The following AVPI1 variants were observed in gnomAD, a reference collection of about 807,000 sequenced individuals.
AVPI1 encodes arginine vasopressin-induced protein 1.
AVPI1 carries 9 observed loss-of-function variants against 11.9 expected under a neutral mutation model. That is an observed-to-expected ratio of 0.76 (90% confidence interval 0.46 to 1.32). The LOEUF is 1.32. AVPI1 is among the 40% of genes most tolerant of loss of function. The pLI is 0.00. For missense variants in AVPI1, 207 were observed against 195.8 expected (o/e 1.06, Z -0.34); for synonymous variants, 68 against 78.1 (o/e 0.87, Z 0.68).
In AVPI1 at chr10:97,679,883, A is replaced by G; in HGVS notation, c.23T>C (p.Val8Ala). 7 of 1,587,454 alleles carry G rather than the reference A, an allele frequency of 4.4e-6. No individual in the cohort carries two copies. Among genetic ancestry groups the G allele is most frequent in the Non-Finnish European group, 6.0e-6 (7 of 1,171,096 alleles). Reference sequence around the variant, plus strand: ...GGCCTGCCAAGGGGGTGGCTCACTGACCACCGAGGCTGGGGTACCCATTGT... The same window carrying G: ...GGCCTGCCAAGGGGGTGGCTCACTGGCCACCGAGGCTGGGGTACCCATTGT... Reference protein sequence around the residue: MGTPASVVSEPPPWQAPI... With the variant: MGTPASVASEPPPWQAPI... Residue 8 changes from valine (V) to alanine (A), a missense_variant, in exon 2 of 3, where the codon GTC (valine) becomes GCC (alanine). By Grantham distance (64) the Val-to-Ala change is moderately conservative (BLOSUM62 0). Transcript: ENST00000370626.
At position 97,687,234 on chromosome 10, in the gene AVPI1, C is replaced by A. The variant is rs990387723; in HGVS notation, c.-479G>T. 1 of 152,424 alleles carries A rather than the reference C, an allele frequency of 6.6e-6. No homozygotes were observed. Among genetic ancestry groups the A allele is most frequent in the Admixed American group, 6.5e-5 (1 of 15,292 alleles). 9.4% of individuals were successfully genotyped at this position (152,424 alleles called of 1,614,324 possible). The stretch of plus-strand genomic sequence containing the variant: ...CGGAACAGCCAATCCTCGGCCCTAG[C>A]CAGGTATGAGCTCCCAGGCGAGCCT... On this transcript the variant is annotated 5_prime_UTR_variant, in exon 1 of 3. Coordinates refer to ENST00000370626, the MANE Select transcript of AVPI1 (RefSeq NM_021732.3).
chr10:97,678,874 GGGGA>G (rs1328108525), intron 2 of AVPI1, among the ~76,000 whole-genome samples: 4 of 135,254 alleles, frequency 3.0e-5, no homozygotes, highest in Admixed American at 7.7e-5. Flanking sequence ...TTTTTGGCGG[GGGGA>G]GGGTGTGTGT....
intron 2 of AVPI1, among the ~76,000 whole-genome samples, chr10:97,679,018 C>T (rs1244416763): frequency 6.8e-6 from 1 of 146,136 alleles, no homozygotes; most frequent in Non-Finnish European, 1.5e-5. Flanking sequence ...GACAGGATCT[C>T]GCCATGTTGC....
At chr10:97,685,982 C>T (rs2041726572) in intron 1 of AVPI1, among the ~76,000 whole-genome samples, 1 of 152,046 alleles carries the variant, frequency 6.6e-6, no homozygotes, top group African/African-American at 2.4e-5. Context: ...ACAAGTTGCT[C>T]GTCATCAAAA....
At chr10:97,683,992 T>C (rs1455598031) in intron 1 of AVPI1, among the ~76,000 whole-genome samples, 1 of 152,210 alleles carries the variant, frequency 6.6e-6, no homozygotes, top group African/African-American at 2.4e-5. Context: ...GAGCTACTTG[T>C]CTGCCAAAGC....
intron 1 of AVPI1, among the ~76,000 whole-genome samples, chr10:97,685,768 C>G (rs7072152): frequency 0.31 from 46,755 of 152,044 alleles, 7,589 homozygotes; most frequent in African/African-American, 0.42. Flanking sequence ...TATGCCGAGA[C>G]AACTGGATAT....
intron 1 of AVPI1, among the ~76,000 whole-genome samples, chr10:97,680,995 C>A (rs920552949): frequency 2.0e-5 from 3 of 152,182 alleles, no homozygotes; most frequent in African/African-American, 4.8e-5. Context: ...AGATAGTTCA[C>A]TTTGAATAAT....
intron 2 of AVPI1, among the ~76,000 whole-genome samples, chr10:97,678,880 G>GGTGTGTGTGTGTGTGT (rs1255604041): frequency 8.8e-6 from 1 of 113,442 alleles, no homozygotes; most frequent in African/African-American, 3.5e-5. Context: ...GCGGGGGGAG[G>GGTGTGTGTGTGTGTGT]GTGTGTGTGT....
chr10:97,683,244 A>G (rs1302524718), intron 1 of AVPI1, among the ~76,000 whole-genome samples: 2 of 151,838 alleles, frequency 1.3e-5, no homozygotes, highest in African/African-American at 4.8e-5. Context: ...TGCAACCTCT[A>G]CCTCCTGAGT....
At chr10:97,683,036 C>G (rs1297918653) in intron 1 of AVPI1, among the ~76,000 whole-genome samples, 1 of 152,202 alleles carries the variant, frequency 6.6e-6, no homozygotes, top group African/African-American at 2.4e-5. Flanking sequence ...CAAAACAATT[C>G]TAGGAGTTAG....
In AVPI1 at chr10:97,679,745, C is replaced by T. The variant is rs554930916; in HGVS notation, c.161G>A (p.Arg54Gln). Reference sequence around the variant, plus strand: ...TGCACATTCCCAGATGATCTGTGCCCGTTCCTCGGCCAGCTGGTCCCCGCT... The same window carrying T: ...TGCACATTCCCAGATGATCTGTGCCTGTTCCTCGGCCAGCTGGTCCCCGCT... The part of the protein sequence containing the change: ...QRSGDQLAEE[R>Q]AQIIWECAGD... Residue 54 changes from arginine (R) to glutamine (Q), a missense_variant, in exon 2 of 3, where the codon CGG (arginine) becomes CAG (glutamine). Physicochemically the swap from Arg to Gln is conservative, Grantham distance 43 (BLOSUM62 1). Transcript: ENST00000370626. 24 of 1,614,082 alleles carry T rather than the reference C, an allele frequency of 1.5e-5. No individual in the cohort carries two copies. Among genetic ancestry groups the T allele is most frequent in the South Asian group, 9.9e-5 (9 of 91,072 alleles).
intron 1 of AVPI1, among the ~76,000 whole-genome samples, chr10:97,683,005 C>T (rs1282430796): frequency 6.6e-6 from 1 of 152,134 alleles, no homozygotes; most frequent in Admixed American, 6.5e-5. Context: ...TCAGGCAATA[C>T]GTATGATATC....
chr10:97,681,712 CT>C (rs2041704760), intron 1 of AVPI1, among the ~76,000 whole-genome samples: 1 of 139,630 alleles, frequency 7.2e-6, no homozygotes, highest in Non-Finnish European at 1.6e-5. Flanking sequence ...CCCGTCTCTA[CT>C]AAAAAATACA....
chr10:97,678,157 T>C, intron 2 of AVPI1, 132 bp from the exon 3 acceptor site: 1 of 993,646 alleles, frequency 1.0e-6, no homozygotes, highest in Admixed American at 2.7e-5. Flanking sequence ...TGCTCTGGTC[T>C]TTCCCCCTCT....
intron 1 of AVPI1, among the ~76,000 whole-genome samples, chr10:97,685,940 G>A (rs1203071218): frequency 2.6e-5 from 4 of 151,970 alleles, no homozygotes; most frequent in Non-Finnish European, 5.9e-5. Context: ...TGCTAACTGG[G>A]TGACCTTGGA....
intron 2 of AVPI1, among the ~76,000 whole-genome samples, chr10:97,678,490 A>G (rs1263515238): frequency 6.6e-6 from 1 of 152,174 alleles, no homozygotes; most frequent in Non-Finnish European, 1.5e-5. Context: ...GTTGAGGCCA[A>G]GTGGTTCAGC....
At chr10:97,679,255 C>T (rs1564780098) in intron 2 of AVPI1, among the ~76,000 whole-genome samples, 1 of 151,520 alleles carries the variant, frequency 6.6e-6, no homozygotes, top group Non-Finnish European at 1.5e-5. Context: ...AGTGACTCTC[C>T]TGCCTCACCC....
chr10:97,685,667 C>A (rs2041725247), intron 1 of AVPI1, among the ~76,000 whole-genome samples: 1 of 152,212 alleles, frequency 6.6e-6, no homozygotes, highest in African/African-American at 2.4e-5. Flanking sequence ...TGCCACTGGA[C>A]AGCAGCCAAA....
chr10:97,679,733 A>G lies in AVPI1; in HGVS notation c.173T>C (p.Ile58Thr). The G allele has an allele frequency of 1.2e-6, 2 of 1,614,110 alleles. No homozygotes were observed. Among genetic ancestry groups the G allele is most frequent in the Non-Finnish European group, 1.7e-6 (2 of 1,180,016 alleles). The part of the protein sequence containing the change: ...DQLAEERAQI[I>T]WECAGDHRVA... ...ACGGTGGTCCCCTGCACATTCCCAGATGATCTGTGCCCGTTCCTCGGCCAG... is the reference window on the plus strand; with the variant it reads ...ACGGTGGTCCCCTGCACATTCCCAGGTGATCTGTGCCCGTTCCTCGGCCAG... The change falls in exon 2 of 3, where the codon ATC becomes ACC. Residue 58 changes from isoleucine to threonine, a missense_variant. Physicochemically the swap from Ile to Thr is moderately conservative, Grantham distance 89 (BLOSUM62 -1). Coordinates refer to ENST00000370626, the MANE Select transcript of AVPI1 (RefSeq NM_021732.3).
Sources: gnomAD v4.1 joint callset for allele counts (sites outside exome capture counted in the v4.1 genomes callset) on GRCh38, gnomAD v4.1.1 for gene constraint, MANE v1.5 for transcripts, NCBI Gene and HGNC (gene_info 2026-07-23, HGNC 2026-07-21) for gene names.